CLEC2A: variants seen among roughly 807,000 people sequenced by gnomAD.
CLEC2A encodes the protein keratinocyte-associated C-type lectin.
A neutral mutation model predicts 18.6 loss-of-function variants in CLEC2A; 19 were observed. The ratio of observed to expected loss-of-function variants is 1.02; its 90% CI spans 0.71 to 1.50. The LOEUF (loss-of-function observed/expected upper bound fraction) is 1.50, where lower values mean the gene tolerates loss of function less well. Ranked by LOEUF, CLEC2A falls within the 40% of genes most tolerant of loss-of-function variation. The probability of loss-of-function intolerance (pLI) is 0.00; values close to 1 mark genes in which losing one functional copy is unlikely to be tolerated. For missense variants in CLEC2A, 190 were observed against 207.9 expected (o/e 0.91, Z 0.53); for synonymous variants, 74 against 64.0 (o/e 1.16, Z -0.75).
chr12:9,891,456 G>T, the CLEC2A span, among the ~76,000 whole-genome samples: 2 of 151,948 alleles, frequency 1.3e-5, no homozygotes, highest in Non-Finnish European at 2.9e-5. Context: ...ATTGTGTCTG[G>T]CAGCACTCCA....
chr12:9,917,368 T>C (rs1415782901), intron 3 of CLEC2A, among the ~76,000 whole-genome samples: 1 of 152,220 alleles, frequency 6.6e-6, no homozygotes, highest in South Asian at 2.1e-4. Context: ...TGCCATCACA[T>C]AGTTCTGGGT....
chr12:9,881,713 C>A, the CLEC2A span: 1 of 1,259,264 alleles, frequency 7.9e-7, no homozygotes, highest in Non-Finnish European at 1.1e-6. Flanking sequence ...CATTATTCTT[C>A]TAGGAAGAGA....
At chr12:9,911,030 GAA>G (rs1259888217), downstream of CLEC2A, among the ~76,000 whole-genome samples, 2 of 152,204 alleles carry the variant, frequency 1.3e-5, no homozygotes, top group Non-Finnish European at 2.9e-5. Flanking sequence ...GCAGCACACT[GAA>G]CAAAGGAGGG....
chr12:9,932,023 C>G (rs1232355952), intron 1 of CLEC2A, among the ~76,000 whole-genome samples: 7 of 152,066 alleles, frequency 4.6e-5, no homozygotes, highest in Non-Finnish European at 8.8e-5. Context: ...TAAAAATATT[C>G]TTATTGAGAT....
downstream of CLEC2A, among the ~76,000 whole-genome samples, chr12:9,911,716 T>C (rs546808303): frequency 6.6e-6 from 1 of 152,318 alleles, no homozygotes; most frequent in African/African-American, 2.4e-5. Flanking sequence ...ACAAATTAAT[T>C]AGAGCTCTTT....
At chr12:9,890,003 T>A in the CLEC2A span, among the ~76,000 whole-genome samples, 1 of 152,156 alleles carries the variant, frequency 6.6e-6, no homozygotes, top group Non-Finnish European at 1.5e-5. Flanking sequence ...AATTGTATAA[T>A]AAATCTTCTT....
the CLEC2A span, chr12:9,893,455 T>C: frequency 1.4e-5 from 21 of 1,499,036 alleles, no homozygotes; most frequent in Non-Finnish European, 1.6e-5. Context: ...GTTTAAAACC[T>C]GGACATTTTG....
intron 2 of CLEC2A, among the ~76,000 whole-genome samples, chr12:9,922,534 G>T (rs1229864989): frequency 6.6e-6 from 1 of 152,120 alleles, no homozygotes; most frequent in Non-Finnish European, 1.5e-5. Context: ...TATAAATTCT[G>T]CAATCAAGGT....
chr12:9,893,113 G>A, the CLEC2A span: 10 of 1,535,676 alleles, frequency 6.5e-6, no homozygotes, highest in South Asian at 3.6e-5. Context: ...GAGAGTCAAC[G>A]TGATTGTACA....
At chr12:9,923,875 C>G (rs1464300448) in intron 2 of CLEC2A, among the ~76,000 whole-genome samples, 3 of 151,312 alleles carry the variant, frequency 2.0e-5, no homozygotes, top group African/African-American at 7.3e-5. Flanking sequence ...GGGAATTGAA[C>G]AATGAGAACA....
In CLEC2A at chr12:9,923,243, AC is replaced by A. The variant is rs1470826421; in HGVS notation, c.140-1012del. ...ACTTAAACAAATTTACAAGAAAAAA[AC>A]AATCCCATCAAAAAGTGGGTGAAGG... On this transcript the variant is annotated intron_variant, in intron 2 of 4. Coordinates refer to ENST00000455827, the MANE Select transcript of CLEC2A (RefSeq NM_001130711.2). 3.9e-5 allele frequency among the ~76,000 whole-genome samples: 6 copies of A among 152,224 alleles called. No homozygotes were observed. The East Asian group carries it at 7.7e-4, about 20-fold the overall frequency.
At chr12:9,921,133 C>T (rs1863165800) in intron 3 of CLEC2A, among the ~76,000 whole-genome samples, 1 of 152,130 alleles carries the variant, frequency 6.6e-6, no homozygotes, top group Non-Finnish European at 1.5e-5. Flanking sequence ...AGTTATATAA[C>T]TCCTTCATGG....
intron 3 of CLEC2A, among the ~76,000 whole-genome samples, chr12:9,917,823 T>C (rs925853473): frequency 1.3e-5 from 2 of 152,220 alleles, no homozygotes; most frequent in African/African-American, 4.8e-5. Flanking sequence ...GATATCTCGT[T>C]GTGGTTTTAA....
In CLEC2A at chr12:9,916,785, C is replaced by A; in HGVS notation, c.325G>T (p.Ala109Ser). ...CCAATCCAGTGCATATCAGTTCCTG[C>A]GTACCTCTTCAAAAATTCCTTTCAC... Reference protein sequence around the residue: ...QEDMEFLKRYAGTDMHWIGLS... With the variant: ...QEDMEFLKRYSGTDMHWIGLS... The change falls in exon 4 of 5, where the codon GCA (alanine) becomes TCA (serine). Residue 109 changes from alanine (A) to serine (S), a missense_variant. By Grantham distance (99) the Ala-to-Ser change is moderately conservative. Coordinates refer to ENST00000455827, the MANE Select transcript of CLEC2A (RefSeq NM_001130711.2). 2 of 1,550,422 alleles carry A rather than the reference C, an allele frequency of 1.3e-6. No individual in the cohort carries two copies.
At chr12:9,885,980 G>A in the CLEC2A span, among the ~76,000 whole-genome samples, 2 of 151,960 alleles carry the variant, frequency 1.3e-5, no homozygotes, top group African/African-American at 2.4e-5. Context: ...ATAATTTCTT[G>A]TTAGACACTG....
At chr12:9,884,797 T>C in the CLEC2A span, 1 of 376,720 alleles carries the variant, frequency 2.7e-6, no homozygotes, top group Non-Finnish European at 4.7e-6. Context: ...CTAGACTTTT[T>C]ATTTTTAGAT....
rs897904736 is a variant in CLEC2A at position 9,918,127 on chromosome 12, A to AT, written c.307-1325dup. On this transcript the variant is annotated intron_variant, in intron 3 of 4. Coordinates refer to ENST00000455827, the MANE Select transcript of CLEC2A (RefSeq NM_001130711.2). ...TTAGATAATATTTGTCAATTTTTGCATTTTTTTTTACTATTGCTTTTGTTG... is the reference window on the plus strand; with the variant it reads ...TTAGATAATATTTGTCAATTTTTGCATTTTTTTTTTACTATTGCTTTTGTTG... Among the ~76,000 whole-genome samples, 134 of 150,018 alleles carry AT rather than the reference A, an allele frequency of 8.9e-4. 1 individual carries two copies. The highest frequency in any genetic ancestry group is 2.4e-3 in the African/African-American group (98 of 41,002).
intron 3 of CLEC2A, among the ~76,000 whole-genome samples, chr12:9,919,080 A>G (rs970999801): frequency 6.6e-6 from 1 of 152,148 alleles, no homozygotes; most frequent in Non-Finnish European, 1.5e-5. Flanking sequence ...AGTTGCAGCC[A>G]TGTTCTCTCT....
intron 4 of CLEC2A, among the ~76,000 whole-genome samples, chr12:9,900,459 A>G (rs1295210988): frequency 6.6e-6 from 1 of 152,292 alleles, no homozygotes; most frequent in African/African-American, 2.4e-5. Context: ...TTTTTCCAAA[A>G]TAGACTTTAG....
Sources: allele counts gnomAD v4.1 joint callset (sites outside exome capture counted in the v4.1 genomes callset), GRCh38; gene constraint gnomAD v4.1.1; transcripts MANE v1.5; gene names NCBI Gene and HGNC (gene_info 2026-07-23, HGNC 2026-07-21).